CHRM3: variants seen among roughly 807,000 people sequenced by gnomAD.
CHRM3 encodes the protein muscarinic acetylcholine receptor M3.
CHRM3 carries 11 observed loss-of-function variants against 41.8 expected under a neutral mutation model. The ratio of observed to expected loss-of-function variants is 0.26; its 90% CI spans 0.17 to 0.44. The LOEUF is 0.44. Among genes scored for constraint, CHRM3 ranks in the 20% least tolerant of loss-of-function variants. CHRM3 has a pLI of 1.00. For synonymous variants in CHRM3, 297 were observed against 301.4 expected, an observed-to-expected ratio of 0.99 and a Z score of 0.15; for missense variants, 571 against 745.4, an observed-to-expected ratio of 0.77 and a Z score of 2.72.
chr1:239,412,772 C>T (rs1661200584), intron 1 of CHRM3, among the ~76,000 whole-genome samples: 1 of 151,936 alleles, frequency 6.6e-6, no homozygotes, highest in African/African-American at 2.4e-5. Flanking sequence ...ATTATATAAT[C>T]ATAATTATTA....
At chr1:239,627,431 A>G (rs1215214190) in intron 3 of CHRM3, among the ~76,000 whole-genome samples, 1 of 120,852 alleles carries the variant, frequency 8.3e-6, no homozygotes, top group Non-Finnish European at 1.8e-5. Flanking sequence ...AATACAGCAC[A>G]CTGCTGGGTC....
chr1:239,481,752 C>T (rs758757919), intron 1 of CHRM3, among the ~76,000 whole-genome samples: 15 of 152,056 alleles, frequency 9.9e-5, no homozygotes, highest in Non-Finnish European at 1.8e-4. Flanking sequence ...ATTCTAGGGG[C>T]TGGGATACAA....
chr1:239,731,800 A>G lies in CHRM3; in HGVS notation c.-147+53512A>G, dbSNP rs377599056. Among the ~76,000 whole-genome samples the G allele has an allele frequency of 2.6e-5, 4 of 152,036 alleles. No homozygotes were observed. In the East Asian group the frequency reaches 5.8e-4, roughly 22 times the overall value. On this transcript the variant is annotated intron_variant, in intron 5 of 6. Coordinates refer to ENST00000676153, the MANE Select transcript of CHRM3 (RefSeq NM_001375978.1). ...AGCCATTAAGATTGTTTCCTCAAAA[A>G]CAGAAAAAATCTTTACTGTTGCCTC...
chr1:239,511,327 G>A (rs1281197631), intron 2 of CHRM3, among the ~76,000 whole-genome samples: 1 of 152,156 alleles, frequency 6.6e-6, no homozygotes, highest in African/African-American at 2.4e-5. Context: ...CAGTTTTCTT[G>A]TAGTTGTCAT....
chr1:239,700,971 A>G (rs990619063), intron 5 of CHRM3, among the ~76,000 whole-genome samples: 8 of 152,144 alleles, frequency 5.3e-5, no homozygotes, highest in Non-Finnish European at 8.8e-5. Context: ...AAGAGCTACC[A>G]TCTCCCTTAT....
At chr1:239,783,047 T>A (rs1421829530) in intron 5 of CHRM3, among the ~76,000 whole-genome samples, 1 of 152,040 alleles carries the variant, frequency 6.6e-6, no homozygotes, top group Non-Finnish European at 1.5e-5. Context: ...GGTGAATGCT[T>A]CATATAAACT....
chr1:239,688,182 T>C (rs1659329083), intron 5 of CHRM3, among the ~76,000 whole-genome samples: 1 of 134,860 alleles, frequency 7.4e-6, no homozygotes, highest in African/African-American at 2.7e-5. Context: ...ATATATAATA[T>C]ACACATACAC....
rs181778018 is a variant in CHRM3 at position 239,727,491 on chromosome 1, C to T, written c.-147+49203C>T. 5.9e-5 allele frequency among the ~76,000 whole-genome samples: 9 copies of T among 151,964 alleles called. No individual in the cohort carries two copies. The South Asian group carries it at 1.5e-3, about 25-fold the overall frequency. On this transcript the variant is annotated intron_variant, in intron 5 of 6. Transcript: ENST00000676153. Reference sequence around the variant, plus strand: ...TTCATGCTTATTATGAATTTGAAATCGTGTGCTATAAAAAGTATTTGGCTG... The same window carrying T: ...TTCATGCTTATTATGAATTTGAAATTGTGTGCTATAAAAAGTATTTGGCTG...
chr1:239,413,124 A>T (rs1052582871), intron 1 of CHRM3, among the ~76,000 whole-genome samples: 2 of 151,534 alleles, frequency 1.3e-5, no homozygotes, highest in Non-Finnish European at 2.9e-5. Flanking sequence ...CAGAGCAGAT[A>T]TCAGCTCAAA....
chr1:239,794,841 C>T (rs552367364), intron 5 of CHRM3, among the ~76,000 whole-genome samples: 19 of 152,200 alleles, frequency 1.2e-4, no homozygotes, highest in South Asian at 8.3e-4. Flanking sequence ...AAGATGTTTC[C>T]GATCCTATCA....
At chr1:239,843,447 C>CTTTT (rs34901177) in intron 6 of CHRM3, among the ~76,000 whole-genome samples, 17 of 81,208 alleles carry the variant, frequency 2.1e-4, no homozygotes, top group East Asian at 1.1e-3. Context: ...ACTCGCTTTC[C>CTTTT]TTTTTTTTTT....
At chr1:239,448,391 C>T (rs1664305606) in intron 1 of CHRM3, among the ~76,000 whole-genome samples, 1 of 152,002 alleles carries the variant, frequency 6.6e-6, no homozygotes, top group South Asian at 2.1e-4. Context: ...TATAAAGTAG[C>T]ATGTGCATAT....
At chr1:239,542,050 A>G (rs1424242447) in intron 2 of CHRM3, among the ~76,000 whole-genome samples, 1 of 152,116 alleles carries the variant, frequency 6.6e-6, no homozygotes, top group African/African-American at 2.4e-5. Context: ...AGGCAGAAAT[A>G]TGTATGTGTG....
chr1:239,397,250 G>A (rs903371074), intron 1 of CHRM3, among the ~76,000 whole-genome samples: 16 of 152,036 alleles, frequency 1.1e-4, no homozygotes, highest in Non-Finnish European at 1.9e-4. Context: ...AAATTATTTT[G>A]CTCCATAAAG....
chr1:239,628,917 G>A (rs1229034625), intron 3 of CHRM3, among the ~76,000 whole-genome samples: 2 of 71,426 alleles, frequency 2.8e-5, no homozygotes, highest in Admixed American at 1.4e-4. Context: ...CTGTCAGACA[G>A]GGACACTTAA....
At chr1:239,465,387 A>G (rs1002792253) in intron 1 of CHRM3, among the ~76,000 whole-genome samples, 2 of 152,230 alleles carry the variant, frequency 1.3e-5, no homozygotes, top group Non-Finnish European at 2.9e-5. Flanking sequence ...GTAAAGAAAA[A>G]TTCAAACTAA....
At chr1:239,499,360 G>C (rs1668079456) in intron 2 of CHRM3, among the ~76,000 whole-genome samples, 1 of 152,172 alleles carries the variant, frequency 6.6e-6, no homozygotes, top group East Asian at 1.9e-4. Context: ...ATTTCAGGCA[G>C]AGGGAGGAGC....
intron 2 of CHRM3, among the ~76,000 whole-genome samples, chr1:239,498,756 G>A (rs960462712): frequency 1.3e-5 from 2 of 152,078 alleles, no homozygotes; most frequent in Non-Finnish European, 2.9e-5. Context: ...TGTTTAAAAT[G>A]TATCATTTCT....
intron 1 of CHRM3, among the ~76,000 whole-genome samples, chr1:239,460,679 T>C (rs1665291535): frequency 6.6e-6 from 1 of 152,032 alleles, no homozygotes; most frequent in South Asian, 2.1e-4. Context: ...AAGATTAAAG[T>C]AGATAAGGGA....
Sources: allele counts gnomAD v4.1 joint callset (sites outside exome capture counted in the v4.1 genomes callset), GRCh38; gene constraint gnomAD v4.1.1; transcripts MANE v1.5; gene names NCBI Gene and HGNC (gene_info 2026-07-23, HGNC 2026-07-21).